The following LPP variants were observed in gnomAD, a reference collection of about 807,000 sequenced individuals.
LPP encodes the protein LIM domain containing preferred translocation partner in lipoma.
In LPP, 38 loss-of-function variants were observed where a neutral mutation model predicts 60.4. The observed-to-expected ratio is 0.63, with a 90% CI of 0.49 to 0.83. The LOEUF (loss-of-function observed/expected upper bound fraction) is 0.83. Among genes scored for constraint, LPP ranks in the 40% least tolerant of loss-of-function variants. LPP has a pLI of 0.00. For missense variants in LPP, 902 were observed against 783.6 expected (o/e 1.15, Z -1.80); for synonymous variants, 328 against 290.8 (o/e 1.13, Z -1.30).
chr3:188,313,037 G>A (rs1373216492), intron 2 of LPP: 1 of 151,922 alleles, frequency 6.6e-6, no homozygotes, highest in African/African-American at 2.4e-5. Context: ...TAATGTAAAT[G>A]ACGAGTTAAT....
intron 1 of LPP, among the ~76,000 whole-genome samples, chr3:188,207,575 T>C (rs1733640154): frequency 6.6e-6 from 1 of 151,752 alleles, no homozygotes; most frequent in Non-Finnish European, 1.5e-5. Context: ...CTTTGTCATA[T>C]CTTCTCAGTC....
rs537815631 is a variant in LPP at position 188,236,083 on chromosome 3, TAA to T, written c.-67+10563_-67+10564del. On this transcript the variant is annotated intron_variant, in intron 2 of 11. Transcript: ENST00000617246. ...CAGGTGATGGGACTAGAACAAATGTTAAAAAAAAGACAGAAAAATTAATGAGT... is the reference window on the plus strand; with the variant it reads ...CAGGTGATGGGACTAGAACAAATGTTAAAAAAGACAGAAAAATTAATGAGT... Among the ~76,000 whole-genome samples the T allele has an allele frequency of 3.2e-3, 479 of 151,866 alleles. 5 individuals are homozygous for T. The highest frequency in any genetic ancestry group is 0.011 in the African/African-American group (448 of 41,414).
At chr3:188,770,350 T>C (rs1231119207) in intron 9 of LPP, among the ~76,000 whole-genome samples, 31,533 of 146,500 alleles carry the variant, frequency 0.22, 3,905 homozygotes, top group Middle Eastern at 0.29. Flanking sequence ...AGCTATTTTT[T>C]TTTTTTTTTT....
chr3:188,332,451 C>T (rs1018465984), intron 2 of LPP, among the ~76,000 whole-genome samples: 2 of 152,160 alleles, frequency 1.3e-5, no homozygotes, highest in African/African-American at 4.8e-5. Context: ...ACTTACTAAT[C>T]CCATCTTATA....
intron 1 of LPP, among the ~76,000 whole-genome samples, chr3:188,160,509 C>T (rs1253705651): frequency 6.6e-6 from 1 of 152,198 alleles, no homozygotes; most frequent in Non-Finnish European, 1.5e-5. Context: ...TTTTCTTAAT[C>T]CATGCCTTTT....
In LPP at chr3:188,875,711, C is replaced by T. The variant is rs1438402816; in HGVS notation, c.*1232C>T. 3 of 201,978 alleles carry T rather than the reference C, an allele frequency of 1.5e-5. No homozygotes were observed. The highest frequency in any genetic ancestry group is 3.1e-5 in the Non-Finnish European group (3 of 98,076). The allele number at this position is 201,978 out of a possible 1,614,324, so 12.5% of individuals were successfully genotyped here. ...ACACTTTCAAAGACAATCACTGAAA[C>T]AAAAATTGTCTTTATGAGCTAAAAA... On this transcript the variant is annotated 3_prime_UTR_variant, in exon 12 of 12. Coordinates refer to ENST00000617246, the MANE Select transcript of LPP (RefSeq NM_001375462.1).
chr3:188,659,810 G>GCACACACACACACACACA (rs139762080), intron 7 of LPP, among the ~76,000 whole-genome samples: 25 of 128,590 alleles, frequency 1.9e-4, no homozygotes, highest in African/African-American at 5.6e-4. Context: ...TAGATCCTAT[G>GCACACACACACACACACA]CACACACACA....
intron 2 of LPP, among the ~76,000 whole-genome samples, chr3:188,226,769 T>C (rs1717925599): frequency 6.6e-6 from 1 of 152,224 alleles, no homozygotes; most frequent in Admixed American, 6.5e-5. Context: ...GCCATTGTGA[T>C]TGAAAAAAAA....
chr3:188,886,974 C>T lies in LPP; in HGVS notation c.*12495C>T. 1 of 231,504 alleles carries T rather than the reference C, an allele frequency of 4.3e-6. No homozygotes were observed. Among genetic ancestry groups the T allele is most frequent in the Non-Finnish European group, 8.5e-6 (1 of 116,980 alleles). The allele number at this position is 231,504 out of a possible 1,614,324, so 14.3% of individuals were successfully genotyped here. A position where few individuals can be genotyped will look rare whatever the true frequency, so the allele number is the denominator to read the frequency against. Reference sequence around the variant, plus strand: ...GGTGGGGGTGGAAACAGGTATTTATCTCTCATGCGTGATTCTCTCTTTATA... The same window carrying T: ...GGTGGGGGTGGAAACAGGTATTTATTTCTCATGCGTGATTCTCTCTTTATA... On this transcript the variant is annotated 3_prime_UTR_variant, in exon 12 of 12. Coordinates refer to ENST00000617246, the MANE Select transcript of LPP (RefSeq NM_001375462.1).
chr3:188,868,799 T>C (rs576017933), intron 10 of LPP, among the ~76,000 whole-genome samples: 10 of 152,338 alleles, frequency 6.6e-5, no homozygotes, highest in African/African-American at 2.4e-4. Context: ...AAATGCATGT[T>C]AATTCAGTTC....
chr3:188,421,772 T>G (rs1198226341), intron 4 of LPP, among the ~76,000 whole-genome samples: 1 of 152,164 alleles, frequency 6.6e-6, no homozygotes, highest in Admixed American at 6.6e-5. Flanking sequence ...AACAAAAGAT[T>G]CAACCACATC....
intron 5 of LPP, among the ~76,000 whole-genome samples, chr3:188,504,890 T>C (rs561874016): frequency 4.1e-4 from 63 of 152,150 alleles, no homozygotes; most frequent in Non-Finnish European, 8.5e-4. Context: ...CCTTTTTCTT[T>C]ATGTGTGTGA....
Position 188,698,513 on chromosome 3 carries a change from G to T in LPP, c.1114-9754G>T, listed in dbSNP as rs117256933. On this transcript the variant is annotated intron_variant, in intron 7 of 11. Coordinates refer to ENST00000617246, the MANE Select transcript of LPP (RefSeq NM_001375462.1). ...CGAGAAAACTCGCTTTCTCCTTTAC[G>T]GAGGGCCCGCATGGAGGTTTAGAGG... 6.8e-4 allele frequency among the ~76,000 whole-genome samples: 103 copies of T among 150,654 alleles called. 1 individual carries two copies. In the East Asian group the frequency reaches 0.016, roughly 24 times the overall value.
intron 1 of LPP, among the ~76,000 whole-genome samples, chr3:188,216,254 G>C (rs1408452362): frequency 1.3e-5 from 2 of 149,724 alleles, no homozygotes; most frequent in Non-Finnish European, 3.0e-5. Flanking sequence ...ACTTGACTCT[G>C]CTCGTCTTCT....
intron 3 of LPP, among the ~76,000 whole-genome samples, chr3:188,385,876 G>A (rs553174755): frequency 5.9e-5 from 9 of 152,144 alleles, no homozygotes; most frequent in Middle Eastern, 3.4e-3. Context: ...ACCTGAGTGC[G>A]GTCTCTCATG....
intron 6 of LPP, among the ~76,000 whole-genome samples, chr3:188,581,582 C>T (rs1836132744): frequency 6.6e-6 from 1 of 152,200 alleles, no homozygotes; most frequent in African/African-American, 2.4e-5. Flanking sequence ...AGTGGCTCAA[C>T]TCTCTCCTGC....
chr3:188,311,220 C>A (rs915968853), intron 2 of LPP, among the ~76,000 whole-genome samples: 5 of 151,740 alleles, frequency 3.3e-5, no homozygotes. Context: ...ACTGTCAAAT[C>A]CCGGCACTAT....
At chr3:188,535,883 T>C (rs1004834816) in intron 6 of LPP, among the ~76,000 whole-genome samples, 7 of 152,194 alleles carry the variant, frequency 4.6e-5, no homozygotes, top group African/African-American at 1.7e-4. Context: ...AAGACCAATA[T>C]GATAAATTCC....
intron 6 of LPP, among the ~76,000 whole-genome samples, chr3:188,561,906 G>A (rs1830769614): frequency 1.3e-5 from 2 of 151,860 alleles, no homozygotes; most frequent in African/African-American, 4.8e-5. Flanking sequence ...CAGTTTGAAA[G>A]TGCACTTTCT....
Sources: gnomAD v4.1 joint callset for allele counts (sites outside exome capture counted in the v4.1 genomes callset) on GRCh38, gnomAD v4.1.1 for gene constraint, MANE v1.5 for transcripts, NCBI Gene and HGNC (gene_info 2026-07-23, HGNC 2026-07-21) for gene names.